AGBL4: variants seen among roughly 807,000 people sequenced by gnomAD.
The protein encoded by AGBL4 is AGBL carboxypeptidase 4.
Under a neutral mutation model 66.4 loss-of-function variants are expected in AGBL4, and 58 were observed. The ratio of observed to expected loss-of-function variants is 0.87; its 90% CI spans 0.71 to 1.09. AGBL4 has a LOEUF of 1.09. Ranked by LOEUF, AGBL4 falls within the 50% of genes least tolerant of loss-of-function variation. AGBL4 has a pLI of 0.00. For missense variants in AGBL4, 579 were observed against 631.0 expected (o/e 0.92, Z 0.88); for synonymous variants, 234 against 222.9 (o/e 1.05, Z -0.44).
chr1:49,339,924 A>G (rs1645505055), intron 3 of AGBL4, among the ~76,000 whole-genome samples: 2 of 152,146 alleles, frequency 1.3e-5, no homozygotes, highest in African/African-American at 4.8e-5. Flanking sequence ...TGTGGTAGGT[A>G]TTGGTTGGAT....
chr1:48,867,154 A>C, intron 6 of AGBL4, 37 bp downstream of exon 6: 1 of 1,607,358 alleles, frequency 6.2e-7, no homozygotes, highest in Non-Finnish European at 8.5e-7. Context: ...TCAAGAAATA[A>C]GGGAAAAGCA....
intron 3 of AGBL4, chr1:49,269,369 AT>A (rs1370296574): frequency 6.6e-6 from 1 of 152,196 alleles, no homozygotes; most frequent in African/African-American, 2.4e-5. Context: ...TATTTGACAT[AT>A]TTTGAGATGG....
chr1:48,661,385 G>A (rs1057011470), intron 7 of AGBL4, among the ~76,000 whole-genome samples: 14 of 152,160 alleles, frequency 9.2e-5, no homozygotes, highest in African/African-American at 2.2e-4. Context: ...AGAGAAGACC[G>A]CCCACTCAAG....
At chr1:48,554,235 C>T (rs1214647672) in intron 11 of AGBL4, among the ~76,000 whole-genome samples, 20 of 152,204 alleles carry the variant, frequency 1.3e-4, no homozygotes, top group Admixed American at 5.2e-4. Flanking sequence ...AGGCCTGAAT[C>T]TGAAGCACTT....
intron 5 of AGBL4, among the ~76,000 whole-genome samples, chr1:48,918,216 C>A (rs1254524979): frequency 1.3e-5 from 2 of 152,328 alleles, no homozygotes. Context: ...GCCTCATTAT[C>A]CCCCAGCTCC....
the AGBL4 span, among the ~76,000 whole-genome samples, chr1:48,524,124 G>A: frequency 2.0e-5 from 3 of 152,048 alleles, no homozygotes; most frequent in East Asian, 1.9e-4. Context: ...CCTGGTATTC[G>A]ACCTATTTTA....
intron 6 of AGBL4, among the ~76,000 whole-genome samples, chr1:48,822,329 A>G (rs1257113484): frequency 6.6e-6 from 1 of 152,252 alleles, no homozygotes; most frequent in African/African-American, 2.4e-5. Context: ...TGAGCAATGG[A>G]ATGCTAAAGA....
chr1:48,975,790 A>C (rs1161333882), intron 5 of AGBL4, among the ~76,000 whole-genome samples: 2 of 152,162 alleles, frequency 1.3e-5, no homozygotes, highest in Admixed American at 6.6e-5. Flanking sequence ...CTTTACCTTC[A>C]GTTCACGCTA....
chr1:49,199,551 A>G (rs968225910), intron 4 of AGBL4, among the ~76,000 whole-genome samples: 1 of 152,164 alleles, frequency 6.6e-6, no homozygotes, highest in Non-Finnish European at 1.5e-5. Flanking sequence ...AGCCTTCTTC[A>G]TTACTGGGAA....
intron 1 of AGBL4, among the ~76,000 whole-genome samples, chr1:49,966,861 G>C (rs1277123446): frequency 1.3e-5 from 2 of 152,040 alleles, no homozygotes; most frequent in Non-Finnish European, 2.9e-5. Flanking sequence ...ACAACTTTAC[G>C]ATTCTTGATA....
chr1:49,947,986 ATTT>A (rs1557607368), intron 1 of AGBL4, among the ~76,000 whole-genome samples: 15 of 101,606 alleles, frequency 1.5e-4, no homozygotes, highest in African/African-American at 5.4e-4. Flanking sequence ...ATAAATATAT[ATTT>A]ATATATATAA....
chr1:49,134,993 T>C (rs1381195321), intron 4 of AGBL4, among the ~76,000 whole-genome samples: 3 of 151,940 alleles, frequency 2.0e-5, no homozygotes, highest in Non-Finnish European at 4.4e-5. Flanking sequence ...TGAAGGTACG[T>C]ATACATATAT....
intron 2 of AGBL4, among the ~76,000 whole-genome samples, chr1:49,742,921 A>C (rs1487531397): frequency 6.6e-6 from 1 of 152,234 alleles, no homozygotes; most frequent in Admixed American, 6.5e-5. Flanking sequence ...TAAAGACTTA[A>C]ATGTTAGACC....
intron 3 of AGBL4, among the ~76,000 whole-genome samples, chr1:49,459,312 A>G (rs901967264): frequency 4.0e-5 from 6 of 151,600 alleles, no homozygotes; most frequent in African/African-American, 1.5e-4. Flanking sequence ...GAGTTTCTAT[A>G]TCTTCCTGGT....
At chr1:49,214,483 G>C (rs953867715) in intron 4 of AGBL4, among the ~76,000 whole-genome samples, 4 of 152,010 alleles carry the variant, frequency 2.6e-5, no homozygotes, top group African/African-American at 9.7e-5. Context: ...TCCAGGTGTG[G>C]GACTGACTGT....
intron 1 of AGBL4, among the ~76,000 whole-genome samples, chr1:50,005,404 A>G (rs936249250): frequency 5.3e-5 from 8 of 152,190 alleles, no homozygotes; most frequent in African/African-American, 1.9e-4. Flanking sequence ...TACCTATTAG[A>G]GTCTGGAAGA....
intron 5 of AGBL4, among the ~76,000 whole-genome samples, chr1:48,971,503 A>G (rs1255307842): frequency 6.6e-6 from 1 of 152,190 alleles, no homozygotes; most frequent in African/African-American, 2.4e-5. Context: ...AACTGTTGAT[A>G]TGTTCAATAA....
intron 3 of AGBL4, among the ~76,000 whole-genome samples, chr1:49,278,189 T>C (rs1280029949): frequency 6.6e-6 from 1 of 152,060 alleles, no homozygotes; most frequent in African/African-American, 2.4e-5. Context: ...CAAACCATTC[T>C]GTGTCCCTCT....
At chr1:48,586,764 G>C in intron 11 of AGBL4, 1 of 494,304 alleles carries the variant, frequency 2.0e-6, no homozygotes, top group Non-Finnish European at 3.7e-6. Context: ...GATATGGGCA[G>C]GCCATGGGTC....
Sources: allele counts gnomAD v4.1 joint callset (sites outside exome capture counted in the v4.1 genomes callset), GRCh38; gene constraint gnomAD v4.1.1; transcripts MANE v1.5; gene names NCBI Gene and HGNC (gene_info 2026-07-23, HGNC 2026-07-21).